The following UTRN variants were observed in gnomAD, a reference collection of about 807,000 sequenced individuals.
UTRN encodes the protein utrophin.
Under a neutral mutation model 463.9 loss-of-function variants are expected in UTRN, and 283 were observed. That is an observed-to-expected ratio of 0.61 (90% CI 0.55 to 0.67). UTRN has a LOEUF of 0.67. Ranked by LOEUF, UTRN falls within the 30% of genes least tolerant of loss-of-function variation. The pLI is 0.00. For missense variants in UTRN, 3,922 were observed against 4,084.3 expected (o/e 0.96, Z 1.08); for synonymous variants, 1,442 against 1,431.5 (o/e 1.01, Z -0.17).
chr6:144,501,909 T>C (rs1794218995), intron 34 of UTRN, among the ~76,000 whole-genome samples: 1 of 152,184 alleles, frequency 6.6e-6, no homozygotes, highest in South Asian at 2.1e-4. Context: ...AGAACATTTT[T>C]GACAAGTTTA....
At chr6:144,375,028 A>G (rs1300571308) in intron 2 of UTRN, among the ~76,000 whole-genome samples, 1 of 151,500 alleles carries the variant, frequency 6.6e-6, no homozygotes, top group Non-Finnish European at 1.5e-5. Flanking sequence ...TATCCTTTCC[A>G]TGTTTTCTCC....
At chr6:144,370,529 A>G (rs1468176515) in intron 2 of UTRN, among the ~76,000 whole-genome samples, 1 of 152,202 alleles carries the variant, frequency 6.6e-6, no homozygotes, top group Non-Finnish European at 1.5e-5. Flanking sequence ...GCCCTAATGG[A>G]GAACCTCTGC....
rs757187528 is a variant in UTRN at position 144,523,206 on chromosome 6, T to C, written c.5906+18T>C. ...CGGAAAGGGTATGTGTAAATGAAAT[T>C]AATATTTAATTTAAAAAAATGCCTG... On this transcript the variant is annotated intron_variant, in intron 41 of 74. Coordinates refer to ENST00000367545, the MANE Select transcript of UTRN (RefSeq NM_007124.3). The C allele has an allele frequency of 1.3e-5, 19 of 1,495,288 alleles. No individual in the cohort carries two copies. Among genetic ancestry groups the C allele is most frequent in the Middle Eastern group, 1.8e-4 (1 of 5,660 alleles). The allele number at this position is 1,495,288 out of a possible 1,614,324, so 92.6% of individuals were successfully genotyped here.
intron 61 of UTRN, among the ~76,000 whole-genome samples, chr6:144,784,291 C>T (rs1048069132): frequency 1.3e-5 from 2 of 152,176 alleles, no homozygotes; most frequent in East Asian, 3.8e-4. Flanking sequence ...GACTGAATGG[C>T]TTCAACAAGA....
At chr6:144,601,166 C>G (rs1184441848) in intron 51 of UTRN, among the ~76,000 whole-genome samples, 1 of 152,208 alleles carries the variant, frequency 6.6e-6, no homozygotes, top group African/African-American at 2.4e-5. Flanking sequence ...TTCATGCCTA[C>G]TAACTCAGTA....
At chr6:144,493,241 G>A (rs1274972208) in intron 32 of UTRN, 60 bp from the exon 33 acceptor site, 12 of 1,548,972 alleles carry the variant, frequency 7.7e-6, no homozygotes, top group Non-Finnish European at 9.7e-6. Context: ...CTGACATGAT[G>A]CCAGTTGGCA....
intron 4 of UTRN, among the ~76,000 whole-genome samples, chr6:144,422,994 A>G (rs1476581367): frequency 6.6e-6 from 1 of 152,238 alleles, no homozygotes; most frequent in African/African-American, 2.4e-5. Context: ...ATCTTTCCCC[A>G]GATGGGAATT....
At chr6:144,723,059 C>G (rs1221767554) in intron 53 of UTRN, among the ~76,000 whole-genome samples, 1 of 152,056 alleles carries the variant, frequency 6.6e-6, no homozygotes, top group Admixed American at 6.6e-5. Flanking sequence ...GAAACCATGC[C>G]CTAAGGGGTT....
intron 51 of UTRN, among the ~76,000 whole-genome samples, chr6:144,618,539 G>A (rs1462466979): frequency 1.3e-5 from 2 of 152,080 alleles, no homozygotes; most frequent in African/African-American, 4.8e-5. Context: ...AAAGACTTTA[G>A]AGTTGGTTTT....
chr6:144,293,928 A>G (rs1442349780), intron 2 of UTRN, among the ~76,000 whole-genome samples: 3 of 151,924 alleles, frequency 2.0e-5, no homozygotes, highest in Non-Finnish European at 4.4e-5. Context: ...ATGAATATAG[A>G]AATGTGTTCT....
chr6:144,477,581 G>A (rs1444572791), intron 25 of UTRN, among the ~76,000 whole-genome samples: 1 of 144,566 alleles, frequency 6.9e-6, no homozygotes, highest in Non-Finnish European at 1.5e-5. Context: ...CTTTTTTTTT[G>A]GTACTTTTGA....
At position 144,493,374 on chromosome 6, in the gene UTRN, A is replaced by G. The variant is rs763842785; in HGVS notation, c.4511A>G (p.Gln1504Arg). ...TVIKTGRHIV[Q>R]KQQTDNPKGM... ...ATTAAAACAGGAAGACATATTGTCC[A>G]GAAACAGCAAACGGACAACCCAAAA... The change falls in exon 33 of 75, where the codon CAG (glutamine) becomes CGG (arginine). Residue 1504 changes from glutamine (Q) to arginine (R), a missense_variant. This residue lies in a region of UTRN where 2,349 missense variants were observed against 2,303.8 expected (regional missense o/e 1.02). Transcript: ENST00000367545. The G allele has an allele frequency of 4.3e-6, 7 of 1,614,062 alleles. No individual in the cohort carries two copies. Among genetic ancestry groups the G allele is most frequent in the Non-Finnish European group, 4.2e-6 (5 of 1,180,006 alleles).
At position 144,708,549 on chromosome 6, in the gene UTRN, A is replaced by G. The variant is rs115295599; in HGVS notation, c.7809+8306A>G. The G allele has an allele frequency of 3.5e-3, 1,137 of 321,132 alleles. 9 individuals carry two copies. Among genetic ancestry groups the G allele is most frequent in the African/African-American group, 0.023 (1,060 of 46,404 alleles). 19.9% of individuals were successfully genotyped at this position (321,132 alleles called of 1,614,324 possible). A position where few individuals can be genotyped will look rare whatever the true frequency, so the allele number is the denominator to read the frequency against. On this transcript the variant is annotated intron_variant, in intron 53 of 74. Coordinates refer to ENST00000367545, the MANE Select transcript of UTRN (RefSeq NM_007124.3). ...AGAAAAAAACACAGTCCCTGTTTAC[A>G]TGAAATTTACATTCAAGGGAGATCC...
intron 51 of UTRN, among the ~76,000 whole-genome samples, chr6:144,638,152 G>C (rs946477848): frequency 2.0e-5 from 3 of 152,060 alleles, no homozygotes; most frequent in African/African-American, 7.2e-5. Flanking sequence ...ACTCCGAAAA[G>C]CTTTTTATCT....
chr6:144,455,240 TTAAA>T (rs531111471), intron 19 of UTRN, among the ~76,000 whole-genome samples: 651 of 152,320 alleles, frequency 4.3e-3, no homozygotes, highest in Middle Eastern at 0.024. Context: ...ATTTCTTTCT[TTAAA>T]TAAATTAAAT....
At chr6:144,518,921 C>G (rs977631226) in intron 39 of UTRN, among the ~76,000 whole-genome samples, 1 of 152,080 alleles carries the variant, frequency 6.6e-6, no homozygotes, top group Non-Finnish European at 1.5e-5. Flanking sequence ...TTTAAAAAAA[C>G]TACAGTGCCC....
chr6:144,548,692 T>C lies in UTRN; in HGVS notation c.6648T>C (p.Pro2216=), dbSNP rs760807182. The change falls in exon 47 of 75, where the codon CCT becomes CCC. Residue 2216 remains proline, a synonymous_variant. Transcript: ENST00000367545. ...TAGTATCATCTGCGTCAGATATTCC[T>C]GTTCAGTCTCATCGTACTTCGGAAA... ...VVLVSSASDI[P]VQSHRTSEIS... The C allele has an allele frequency of 3.1e-6, 5 of 1,614,112 alleles. No individual in the cohort carries two copies. In the South Asian group the frequency reaches 4.4e-5, roughly 14 times the overall value.
At chr6:144,709,296 T>C (rs1302266610) in intron 53 of UTRN, among the ~76,000 whole-genome samples, 1 of 152,218 alleles carries the variant, frequency 6.6e-6, no homozygotes, top group African/African-American at 2.4e-5. Context: ...TTTTCAGATA[T>C]GTTTTAGCTT....
At chr6:144,336,163 G>A (rs1763453638) in intron 2 of UTRN, among the ~76,000 whole-genome samples, 1 of 152,206 alleles carries the variant, frequency 6.6e-6, no homozygotes, top group East Asian at 1.9e-4. Context: ...GCCTACAGGT[G>A]TGTCTGCTGG....
Sources: gnomAD v4.1 joint callset for allele counts (sites outside exome capture counted in the v4.1 genomes callset) on GRCh38, gnomAD v4.1.1 for gene constraint, gnomAD v4.1.1 regional missense constraint, MANE v1.5 for transcripts, NCBI Gene and HGNC (gene_info 2026-07-23, HGNC 2026-07-21) for gene names.